DLGAP2: variants seen among roughly 807,000 people sequenced by gnomAD.
The protein encoded by DLGAP2 is disks large-associated protein 2.
In DLGAP2, 26 loss-of-function variants were observed where a neutral mutation model predicts 100.3. That is an observed-to-expected ratio of 0.26 (90% CI 0.19 to 0.36). The LOEUF (loss-of-function observed/expected upper bound fraction) is 0.36, where lower values mean the gene tolerates loss of function less well. Among genes scored for constraint, DLGAP2 ranks in the 10% least tolerant of loss-of-function variants. The probability of loss-of-function intolerance (pLI) is 1.00; values close to 1 mark genes in which losing one functional copy is unlikely to be tolerated. For missense variants in DLGAP2, 1,858 were observed against 1,453.2 expected (o/e 1.28, Z -4.53); for synonymous variants, 886 against 630.1 (o/e 1.41, Z -6.08).
chr8:1,566,225 T>C (rs1215465460), intron 6 of DLGAP2, among the ~76,000 whole-genome samples: 1 of 152,190 alleles, frequency 6.6e-6, no homozygotes, highest in Non-Finnish European at 1.5e-5. Flanking sequence ...TGTGTGCGTA[T>C]GGGTGTGTGT....
intron 12 of DLGAP2, chr8:1,680,565 C>T (rs2293975): frequency 1.3e-4 from 20 of 152,314 alleles, no homozygotes; most frequent in East Asian, 9.7e-4. Context: ...CGATGGACGC[C>T]GAATGTTGGG....
At chr8:934,723 C>A (rs1203835617) in intron 2 of DLGAP2, among the ~76,000 whole-genome samples, 2 of 152,042 alleles carry the variant, frequency 1.3e-5, no homozygotes, top group East Asian at 3.9e-4. Flanking sequence ...AGGCGGTGGA[C>A]CCCAGCCCTG....
intron 6 of DLGAP2, among the ~76,000 whole-genome samples, chr8:1,610,208 G>C (rs1489304084): frequency 0.011 from 1,607 of 152,104 alleles, 38 homozygotes; most frequent in African/African-American, 0.037. Flanking sequence ...ACAGTGCAAT[G>C]AAACTAGAAC....
chr8:817,336 A>G (rs751660385), intron 1 of DLGAP2, among the ~76,000 whole-genome samples: 2 of 152,120 alleles, frequency 1.3e-5, no homozygotes, highest in Non-Finnish European at 1.5e-5. Context: ...TATTTATGCT[A>G]TCTATTTCAC....
At chr8:1,412,200 A>T (rs1056777204) in intron 3 of DLGAP2, among the ~76,000 whole-genome samples, 1 of 152,030 alleles carries the variant, frequency 6.6e-6, no homozygotes, top group Non-Finnish European at 1.5e-5. Context: ...CAGAGCCCCC[A>T]GCACTGGGAC....
intron 3 of DLGAP2, among the ~76,000 whole-genome samples, chr8:1,444,867 T>A (rs1265808367): frequency 2.0e-5 from 3 of 146,588 alleles, no homozygotes; most frequent in Admixed American, 7.0e-5. Context: ...GCAACCACCG[T>A]CTTCCAATTC....
intron 7 of DLGAP2, among the ~76,000 whole-genome samples, chr8:1,628,708 G>C (rs1012355531): frequency 6.7e-6 from 1 of 150,228 alleles, no homozygotes; most frequent in Non-Finnish European, 1.5e-5. Context: ...CTGACTTACT[G>C]TGGAGCAGGA....
At chr8:1,376,437 G>T (rs1802389884) in intron 3 of DLGAP2, among the ~76,000 whole-genome samples, 1 of 152,262 alleles carries the variant, frequency 6.6e-6, no homozygotes. Context: ...CCACCTGCTG[G>T]TGGCAGTGAA....
intron 10 of DLGAP2, among the ~76,000 whole-genome samples, chr8:1,674,100 A>G (rs1300085758): frequency 6.6e-6 from 1 of 152,156 alleles, no homozygotes; most frequent in African/African-American, 2.4e-5. Flanking sequence ...ATTGCCCAGG[A>G]TGTAGTACAG....
intron 2 of DLGAP2, among the ~76,000 whole-genome samples, chr8:967,859 T>C (rs1392213975): frequency 5.2e-5 from 4 of 77,062 alleles, no homozygotes; most frequent in Non-Finnish European, 9.8e-5. Flanking sequence ...TATATATATA[T>C]ATATATATAT....
chr8:1,533,039 T>C (rs967029627), intron 4 of DLGAP2, among the ~76,000 whole-genome samples: 2 of 150,598 alleles, frequency 1.3e-5, no homozygotes, highest in Non-Finnish European at 2.9e-5. Context: ...TCTTTCAAAA[T>C]CATAGGCCTG....
At chr8:1,478,591 G>A (rs1410758998) in intron 3 of DLGAP2, among the ~76,000 whole-genome samples, 2 of 150,148 alleles carry the variant, frequency 1.3e-5, no homozygotes, top group East Asian at 2.0e-4. Flanking sequence ...GGTCCGGGAC[G>A]CGGCACCTGG....
chr8:1,312,494 C>T (rs1208610814), intron 3 of DLGAP2, among the ~76,000 whole-genome samples: 2 of 152,146 alleles, frequency 1.3e-5, no homozygotes, highest in Non-Finnish European at 2.9e-5. Context: ...GAAGAAAACA[C>T]ACATGGAGAC....
intron 3 of DLGAP2, among the ~76,000 whole-genome samples, chr8:1,313,255 T>A (rs1052597468): frequency 3.3e-5 from 5 of 152,204 alleles, no homozygotes; most frequent in African/African-American, 1.2e-4. Context: ...GTACCTGGAA[T>A]CTTGTTGTTG....
chr8:1,525,025 A>G (rs1800744791), intron 4 of DLGAP2, among the ~76,000 whole-genome samples: 1 of 151,704 alleles, frequency 6.6e-6, no homozygotes, highest in African/African-American at 2.4e-5. Context: ...CCTGGCTTTC[A>G]TTTGCCTTTA....
At chr8:949,164 G>A (rs909292704) in intron 2 of DLGAP2, among the ~76,000 whole-genome samples, 1 of 152,238 alleles carries the variant, frequency 6.6e-6, no homozygotes, top group Admixed American at 6.5e-5. Flanking sequence ...TTTGTGGGTG[G>A]AAAGGACGTG....
In DLGAP2 at chr8:1,630,070, G is replaced by C. The variant is rs370119147; in HGVS notation, c.1591-2757G>C. ...GTTTATTTAACGACCTTGAAATTTA[G>C]AATTCTAAGTCATTCCTATGCAGAG... is the stretch of plus-strand genomic sequence containing the variant. On this transcript the variant is annotated intron_variant, in intron 7 of 14. Coordinates refer to ENST00000637795, the MANE Select transcript of DLGAP2 (RefSeq NM_001346810.2). Among the ~76,000 whole-genome samples the C allele has an allele frequency of 4.6e-5, 7 of 152,136 alleles. No individual in the cohort carries two copies. In the East Asian group the frequency reaches 1.2e-3, roughly 25 times the overall value.
chr8:1,009,598 A>C (rs1280436523), intron 2 of DLGAP2, among the ~76,000 whole-genome samples: 1 of 152,160 alleles, frequency 6.6e-6, no homozygotes, highest in African/African-American at 2.4e-5. Context: ...GGAGTCAGTG[A>C]TTATGTCTTG....
intron 2 of DLGAP2, among the ~76,000 whole-genome samples, chr8:1,032,080 GTCCACGTTTC>G (rs1801990597): frequency 6.6e-6 from 1 of 152,228 alleles, no homozygotes; most frequent in Non-Finnish European, 1.5e-5. Context: ...TTGTGAAAAT[GTCCACGTTTC>G]TGAAAACACA....
Sources: allele counts gnomAD v4.1 joint callset (sites outside exome capture counted in the v4.1 genomes callset), GRCh38; gene constraint gnomAD v4.1.1; transcripts MANE v1.5; gene names NCBI Gene and HGNC (gene_info 2026-07-23, HGNC 2026-07-21).